The following ADAMTSL1 variants were observed in gnomAD, a reference collection of about 807,000 sequenced individuals.
The protein encoded by ADAMTSL1 is ADAMTS like 1.
A neutral mutation model predicts 201.8 loss-of-function variants in ADAMTSL1; 126 were observed. The ratio of observed to expected loss-of-function variants is 0.62; its 90% CI spans 0.54 to 0.72. The LOEUF (loss-of-function observed/expected upper bound fraction) is 0.72. Ranked by LOEUF, ADAMTSL1 falls within the 30% of genes least tolerant of loss-of-function variation. The probability of loss-of-function intolerance (pLI) is 0.00; values close to 1 mark genes in which losing one functional copy is unlikely to be tolerated. For synonymous variants in ADAMTSL1, 1,121 were observed against 903.4 expected, an observed-to-expected ratio of 1.24 and a Z score of -4.32; for missense variants, 2,679 against 2,277.8, an observed-to-expected ratio of 1.18 and a Z score of -3.59.
chr9:18,542,867 C>G (rs896878726), intron 3 of ADAMTSL1, among the ~76,000 whole-genome samples: 1 of 152,130 alleles, frequency 6.6e-6, no homozygotes, highest in African/African-American at 2.4e-5. Context: ...AAAGATCAGC[C>G]TTATTCTATG....
chr9:17,962,106 T>C (rs1452333585), intron 1 of ADAMTSL1, among the ~76,000 whole-genome samples: 6 of 152,318 alleles, frequency 3.9e-5, no homozygotes, highest in African/African-American at 9.6e-5. Flanking sequence ...GAGCTGGAGA[T>C]TGGACTCACA....
intron 14 of ADAMTSL1, among the ~76,000 whole-genome samples, chr9:18,714,545 GGAA>G (rs201795436): frequency 0.59 from 81,860 of 139,656 alleles, 23,041 homozygotes; most frequent in South Asian, 0.68. Flanking sequence ...GACTAAACCA[GGAA>G]GAAGTTGAAT....
intron 2 of ADAMTSL1, among the ~76,000 whole-genome samples, chr9:18,524,338 G>T (rs1265050905): frequency 1.3e-5 from 2 of 152,138 alleles, no homozygotes; most frequent in African/African-American, 4.8e-5. Flanking sequence ...AGGAGATTTT[G>T]GGCTGAGACA....
At chr9:18,628,092 T>G (rs1826509771) in intron 5 of ADAMTSL1, among the ~76,000 whole-genome samples, 1 of 152,202 alleles carries the variant, frequency 6.6e-6, no homozygotes, top group South Asian at 2.1e-4. Flanking sequence ...CAAAAGCTTT[T>G]CATTTGGATG....
In ADAMTSL1 at chr9:18,271,572, A is replaced by T. The variant is rs13293269; in HGVS notation, c.207+107591A>T. 4.6e-5 allele frequency among the ~76,000 whole-genome samples: 7 copies of T among 152,042 alleles called. 1 individual carries two copies. The highest frequency in any genetic ancestry group is 1.0e-4 in the Non-Finnish European group (7 of 67,992). On this transcript the variant is annotated intron_variant, in intron 2 of 29. Coordinates refer to the ADAMTSL1 transcript ENST00000680146. ...TGCCACATTTTCTTAATCCAGTCTA[A>T]CATTGTTGGACATTTGAGTTGGTTC...
intron 13 of ADAMTSL1, among the ~76,000 whole-genome samples, chr9:18,698,734 C>G (rs1369168577): frequency 6.6e-6 from 1 of 152,108 alleles, no homozygotes; most frequent in Non-Finnish European, 1.5e-5. Context: ...GAAGTACTTG[C>G]AAGCAATGGT....
At chr9:17,962,062 G>A (rs1230544453) in intron 1 of ADAMTSL1, among the ~76,000 whole-genome samples, 1 of 152,190 alleles carries the variant, frequency 6.6e-6, no homozygotes, top group Non-Finnish European at 1.5e-5. Context: ...GAGTTGCTTA[G>A]AGGTTGAACA....
chr9:18,157,175 T>A (rs74917944), intron 1 of ADAMTSL1, among the ~76,000 whole-genome samples: 4,912 of 152,156 alleles, frequency 0.032, 118 homozygotes, highest in Non-Finnish European at 0.054. Flanking sequence ...TGTTTATAGA[T>A]CAATCCCACA....
chr9:18,764,943 T>G (rs1398307179), intron 16 of ADAMTSL1, among the ~76,000 whole-genome samples: 2 of 152,350 alleles, frequency 1.3e-5, no homozygotes, highest in East Asian at 3.9e-4. Context: ...CCAGTTGTGT[T>G]ATTTTCAATG....
At position 18,770,766 on chromosome 9, in the gene ADAMTSL1, C is replaced by T; in HGVS notation, c.2382C>T (p.Leu794=). Reference sequence around the variant, plus strand: ...ATGACTGTCCCAGCGAGTGGCTTCTCTCAGACTGGACAGAGGTATGTATGT... The same window carrying T: ...ATGACTGTCCCAGCGAGTGGCTTCTTTCAGACTGGACAGAGGTATGTATGT... ...KKDDCPSEWL[L]SDWTECSTSC... The change falls in exon 17 of 29, where the codon CTC becomes CTT. Residue 794 remains leucine (L), a synonymous_variant. Coordinates refer to ENST00000380548, the MANE Select transcript of ADAMTSL1 (RefSeq NM_001040272.6). 6.2e-7 allele frequency: 1 copy of T among 1,613,820 alleles called. No homozygotes were observed. Among genetic ancestry groups the T allele is most frequent in the Non-Finnish European group, 8.5e-7 (1 of 1,179,848 alleles).
At chr9:18,217,033 G>A (rs1233740873) in intron 2 of ADAMTSL1, among the ~76,000 whole-genome samples, 1 of 152,032 alleles carries the variant, frequency 6.6e-6, no homozygotes, top group African/African-American at 2.4e-5. Context: ...GGGTCAAGTA[G>A]AGAATAAAGG....
intron 2 of ADAMTSL1, among the ~76,000 whole-genome samples, chr9:18,181,958 T>TA (rs893751394): frequency 6.6e-6 from 1 of 152,014 alleles, no homozygotes; most frequent in African/African-American, 2.4e-5. Context: ...TATGCAGCCA[T>TA]AAAAAAATGA....
chr9:18,672,285 G>A (rs542056201), intron 9 of ADAMTSL1, among the ~76,000 whole-genome samples: 2 of 152,018 alleles, frequency 1.3e-5, no homozygotes, highest in African/African-American at 4.8e-5. Flanking sequence ...GGAATTTGAG[G>A]TGATGGCCTC....
intron 13 of ADAMTSL1, among the ~76,000 whole-genome samples, chr9:18,691,103 A>T (rs896683571): frequency 4.6e-5 from 7 of 152,222 alleles, no homozygotes; most frequent in African/African-American, 1.7e-4. Flanking sequence ...TGTCTTTAAG[A>T]AATGCAATTT....
At chr9:18,556,843 T>C (rs772125340) in intron 3 of ADAMTSL1, among the ~76,000 whole-genome samples, 3 of 152,054 alleles carry the variant, frequency 2.0e-5, no homozygotes, top group Non-Finnish European at 2.9e-5. Flanking sequence ...ATATTTAAAG[T>C]GGTTCTGGAG....
intron 15 of ADAMTSL1, among the ~76,000 whole-genome samples, chr9:18,740,062 G>A (rs1010294886): frequency 6.6e-6 from 1 of 152,148 alleles, no homozygotes; most frequent in Non-Finnish European, 1.5e-5. Flanking sequence ...TTCATCTTTT[G>A]CATTCCTCTG....
chr9:18,564,003 C>T (rs916172217), intron 3 of ADAMTSL1, among the ~76,000 whole-genome samples: 11 of 152,122 alleles, frequency 7.2e-5, no homozygotes, highest in Non-Finnish European at 1.3e-4. Context: ...CTTCGGTGCC[C>T]CTTTTCAGGG....
chr9:18,247,371 T>C (rs530554809), intron 2 of ADAMTSL1, among the ~76,000 whole-genome samples: 1 of 152,332 alleles, frequency 6.6e-6, no homozygotes, highest in East Asian at 1.9e-4. Context: ...ATTTATCTCT[T>C]TATTCATCTA....
chr9:18,029,434 C>T (rs1310337311), intron 1 of ADAMTSL1, among the ~76,000 whole-genome samples: 1 of 152,040 alleles, frequency 6.6e-6, no homozygotes, highest in Admixed American at 6.6e-5. Context: ...CACCTAAAAC[C>T]ATAAAAACCC....
Sources: allele counts gnomAD v4.1 joint callset (sites outside exome capture counted in the v4.1 genomes callset), GRCh38; gene constraint gnomAD v4.1.1; transcripts MANE v1.5; gene names NCBI Gene and HGNC (gene_info 2026-07-23, HGNC 2026-07-21).